The following OR11A1 variants were observed in gnomAD, a reference collection of about 807,000 sequenced individuals.
OR11A1 encodes the protein olfactory receptor family 11 subfamily A member 1, also known as olfactory receptor 11A1.
For synonymous variants in OR11A1, 158 were observed against 152.2 expected, an observed-to-expected ratio of 1.04 and a Z score of -0.28; for missense variants, 380 against 378.2, an observed-to-expected ratio of 1.00 and a Z score of -0.04.
chr6:29,456,106 T>A (rs1342788690), intron 1 of OR11A1, among the ~76,000 whole-genome samples: 2 of 151,598 alleles, frequency 1.3e-5, no homozygotes, highest in East Asian at 3.9e-4. Context: ...GGTACATGTC[T>A]ATAATCCCAG....
chr6:29,427,500 T>C lies in OR11A1; in HGVS notation c.142A>G (p.Ile48Val). The C allele has an allele frequency of 6.2e-7, 1 of 1,613,034 alleles. No individual in the cohort carries two copies. Among genetic ancestry groups the C allele is most frequent in the Non-Finnish European group, 8.5e-7 (1 of 1,180,024 alleles). Residue 48 changes from isoleucine (I) to valine (V), a missense_variant, in exon 5 of 5, where the codon ATT becomes GTT. By Grantham distance (29) the Ile-to-Val change is conservative. Coordinates refer to ENST00000377149, the MANE Select transcript of OR11A1 (RefSeq NM_001394828.1). ...CTCTGGGAGCTAACCACTGCTACAATAATCAGCATATTCCCTATGATGATG... is the reference window on the plus strand; with the variant it reads ...CTCTGGGAGCTAACCACTGCTACAACAATCAGCATATTCCCTATGATGATG... ...VFIIIGNMLI[I>V]VAVVSSQRLH...
At chr6:29,436,525 A>G (rs933254479) in intron 1 of OR11A1, among the ~76,000 whole-genome samples, 5 of 152,224 alleles carry the variant, frequency 3.3e-5, no homozygotes, top group Non-Finnish European at 2.9e-5. Context: ...CACACTTACA[A>G]TAAGGTTATT....
At chr6:29,440,535 C>G in intron 1 of OR11A1, 2 of 1,613,756 alleles carry the variant, frequency 1.2e-6, no homozygotes, top group Non-Finnish European at 1.7e-6. Context: ...CAATACCATC[C>G]CGCAGTTCTT....
Position 29,430,122 on chromosome 6 carries a change from T to G in OR11A1, c.-140+179A>C, listed in dbSNP as rs1783135058. ...GGATTTAAATTTTTATAAGTGCTAC[T>G]GTACCGAAGTCTTACAAAAAGATAT... On this transcript the variant is annotated intron_variant, in intron 3 of 4. Transcript: ENST00000377149. Among the ~76,000 whole-genome samples the G allele has an allele frequency of 2.0e-5, 3 of 152,236 alleles. No homozygotes were observed. The South Asian group carries it at 6.2e-4, about 31-fold the overall frequency.
At chr6:29,438,012 A>C (rs1783772233) in intron 1 of OR11A1, among the ~76,000 whole-genome samples, 1 of 152,234 alleles carries the variant, frequency 6.6e-6, no homozygotes, top group African/African-American at 2.4e-5. Context: ...CTAATAAATA[A>C]ATGAAATGAT....
chr6:29,440,725 T>TCTCCACCTG, intron 1 of OR11A1: 1 of 1,613,944 alleles, frequency 6.2e-7, no homozygotes, highest in Non-Finnish European at 8.5e-7. Flanking sequence ...CGCAAGGCCT[T>TCTCCACCTG]CTCCACCTGC....
At chr6:29,439,687 T>C (rs1175056977) in intron 1 of OR11A1, 1 of 355,426 alleles carries the variant, frequency 2.8e-6, no homozygotes, top group Admixed American at 4.3e-5. Context: ...AAAAGGGAGC[T>C]AGACTGACTT....
chr6:29,433,701 G>A (rs1340230730), intron 1 of OR11A1, among the ~76,000 whole-genome samples: 1 of 151,622 alleles, frequency 6.6e-6, no homozygotes, highest in Non-Finnish European at 1.5e-5. Context: ...GGGATTGCTG[G>A]GTCATACAAC....
At chr6:29,456,461 G>A (rs1786292273) in intron 1 of OR11A1, among the ~76,000 whole-genome samples, 1 of 151,240 alleles carries the variant, frequency 6.6e-6, no homozygotes, top group African/African-American at 2.4e-5. Context: ...AGTGAGCCGA[G>A]ATCGCGCCAC....
At chr6:29,434,010 A>C (rs946800585) in intron 1 of OR11A1, among the ~76,000 whole-genome samples, 1 of 152,134 alleles carries the variant, frequency 6.6e-6, no homozygotes, top group Non-Finnish European at 1.5e-5. Flanking sequence ...TCATTTTAAA[A>C]TTGAGTTATT....
rs187962848 is a variant in OR11A1 at position 29,428,436 on chromosome 6, A to G, written c.-92+477T>C. On this transcript the variant is annotated intron_variant, in intron 4 of 4. Coordinates refer to ENST00000377149, the MANE Select transcript of OR11A1 (RefSeq NM_001394828.1). The stretch of plus-strand genomic sequence containing the variant: ...AGGCTTTCTGAAGATAGAAGCAAGT[A>G]GGCTAAGTTTTGAGGGCCAATTAAG... 684 of 983,668 alleles carry G rather than the reference A, an allele frequency of 7.0e-4. 17 individuals are homozygous for G. In the East Asian group the frequency reaches 0.032, roughly 46 times the overall value. The allele number at this position is 983,668 out of a possible 1,614,324, so 60.9% of individuals were successfully genotyped here.
intron 1 of OR11A1, among the ~76,000 whole-genome samples, chr6:29,454,270 A>C (rs1785776119): frequency 6.6e-6 from 1 of 152,190 alleles, no homozygotes; most frequent in Non-Finnish European, 1.5e-5. Flanking sequence ...ATTTTTAAAG[A>C]ATTCATGGAC....
At chr6:29,440,036 G>C in intron 1 of OR11A1, 1 of 1,613,028 alleles carries the variant, frequency 6.2e-7, no homozygotes, top group Non-Finnish European at 8.5e-7. Context: ...ACACCTCCAT[G>C]GTGACTGAGT....
At chr6:29,445,545 A>G (rs1448227781) in intron 1 of OR11A1, among the ~76,000 whole-genome samples, 2 of 151,288 alleles carry the variant, frequency 1.3e-5, no homozygotes, top group Non-Finnish European at 2.9e-5. Flanking sequence ...GCTTGGAGAA[A>G]CCTCCCAACC....
At chr6:29,431,164 G>A (rs7349876) in intron 2 of OR11A1, among the ~76,000 whole-genome samples, 35,032 of 151,744 alleles carry the variant, frequency 0.23, 4,346 homozygotes, top group Non-Finnish European at 0.29. Flanking sequence ...ATTAAAATGA[G>A]CAATTCAAAG....
intron 1 of OR11A1, among the ~76,000 whole-genome samples, chr6:29,455,775 C>T (rs1478320345): frequency 6.8e-6 from 1 of 146,142 alleles, no homozygotes; most frequent in Non-Finnish European, 1.5e-5. Flanking sequence ...ACTTGGGAGG[C>T]TGGGGCAGGA....
chr6:29,455,368 G>A (rs1203288621), intron 1 of OR11A1, among the ~76,000 whole-genome samples: 5 of 152,124 alleles, frequency 3.3e-5, no homozygotes, highest in African/African-American at 1.2e-4. Flanking sequence ...CCTCACAAAA[G>A]AATATATAAA....
At chr6:29,454,945 G>A (rs1054116662) in intron 1 of OR11A1, among the ~76,000 whole-genome samples, 1 of 151,802 alleles carries the variant, frequency 6.6e-6, no homozygotes, top group Non-Finnish European at 1.5e-5. Context: ...TAAAAAAGCA[G>A]CCATTTTCAT....
At chr6:29,448,268 G>C (rs925344831) in intron 1 of OR11A1, among the ~76,000 whole-genome samples, 14 of 151,968 alleles carry the variant, frequency 9.2e-5, no homozygotes, top group Non-Finnish European at 1.8e-4. Flanking sequence ...GCCCACCTCG[G>C]CCTCCCAAAG....
Sources: gnomAD v4.1 joint callset for allele counts (sites outside exome capture counted in the v4.1 genomes callset) on GRCh38, gnomAD v4.1.1 for gene constraint, MANE v1.5 for transcripts, NCBI Gene and HGNC (gene_info 2026-07-23, HGNC 2026-07-21) for gene names.